Variants in NCOA1 observed in about 807,000 individuals in gnomAD.
The protein encoded by NCOA1 is Hin-2 protein.
Under a neutral mutation model 150.9 loss-of-function variants are expected in NCOA1, and 35 were observed. The observed-to-expected ratio is 0.23, with a 90% CI of 0.18 to 0.31. NCOA1 has a LOEUF of 0.31. Among genes scored for constraint, NCOA1 ranks in the 10% least tolerant of loss-of-function variants. The pLI is 1.00. For synonymous variants in NCOA1, 590 were observed against 630.0 expected (o/e 0.94, Z 0.95); for missense variants, 1,491 against 1,749.3 (o/e 0.85, Z 2.63).
intron 5 of NCOA1, among the ~76,000 whole-genome samples, chr2:24,664,560 T>C (rs989369808): frequency 6.6e-6 from 1 of 151,938 alleles, no homozygotes; most frequent in Admixed American, 6.6e-5. Flanking sequence ...ATACAAAAAT[T>C]AGCCAGGCAT....
chr2:24,697,842 A>G (rs1306062351), intron 11 of NCOA1, 44 bp downstream of exon 11: 3 of 1,557,918 alleles, frequency 1.9e-6, no homozygotes, highest in Admixed American at 3.5e-5. Flanking sequence ...CCTTATCTTT[A>G]CTGATATTTG....
chr2:24,647,499 G>A (rs1670526879), intron 4 of NCOA1, among the ~76,000 whole-genome samples: 1 of 152,104 alleles, frequency 6.6e-6, no homozygotes, highest in South Asian at 2.1e-4. Flanking sequence ...ACAGTGATAG[G>A]CACATGGTAA....
At chr2:24,586,255 G>A (rs1242103233) in intron 3 of NCOA1, among the ~76,000 whole-genome samples, 2 of 132,206 alleles carry the variant, frequency 1.5e-5, no homozygotes, top group Non-Finnish European at 3.1e-5. Flanking sequence ...CAGCCTGGGC[G>A]ACAGAGCAAG....
chr2:24,742,628 T>TG (rs201193499), intron 19 of NCOA1, among the ~76,000 whole-genome samples: 18 of 149,866 alleles, frequency 1.2e-4, no homozygotes, highest in East Asian at 5.8e-4. Context: ...AGCTAATTTT[T>TG]GTTTTTTTTT....
At chr2:24,756,788 A>G (rs1349266725) in intron 20 of NCOA1, among the ~76,000 whole-genome samples, 2 of 152,188 alleles carry the variant, frequency 1.3e-5, no homozygotes, top group Non-Finnish European at 2.9e-5. Flanking sequence ...CAAAGTGTCA[A>G]GTTGAATTCC....
At chr2:24,634,091 C>A (rs1400943451) in intron 3 of NCOA1, among the ~76,000 whole-genome samples, 4 of 152,008 alleles carry the variant, frequency 2.6e-5, no homozygotes, top group African/African-American at 9.7e-5. Context: ...ACATTTTAAA[C>A]ATATATTTCA....
chr2:24,640,000 T>C (rs1203016988), intron 3 of NCOA1, among the ~76,000 whole-genome samples: 1 of 142,022 alleles, frequency 7.0e-6, no homozygotes, highest in Non-Finnish European at 1.5e-5. Context: ...TTCAGAGTCA[T>C]TCAACAGATT....
chr2:24,688,764 T>C (rs550321613), intron 8 of NCOA1, among the ~76,000 whole-genome samples: 2 of 152,362 alleles, frequency 1.3e-5, no homozygotes, highest in East Asian at 1.9e-4. Flanking sequence ...GTCCCATTTG[T>C]CAATTTTTGC....
chr2:24,716,473 G>A (rs990654585), intron 14 of NCOA1, among the ~76,000 whole-genome samples: 1 of 152,098 alleles, frequency 6.6e-6, no homozygotes, highest in African/African-American at 2.4e-5. Context: ...TCAATACATG[G>A]TGATATAACA....
intron 1 of NCOA1, chr2:24,554,605 G>GCTAC (rs1232848151): frequency 1.3e-5 from 2 of 152,194 alleles, no homozygotes; most frequent in Admixed American, 1.3e-4. Context: ...TAATACCAGG[G>GCTAC]GGTAGCCCCA....
chr2:24,760,153 T>C (rs1664709192), intron 21 of NCOA1, among the ~76,000 whole-genome samples: 1 of 148,946 alleles, frequency 6.7e-6, no homozygotes, highest in African/African-American at 2.5e-5. Context: ...CTTTTTTTTT[T>C]TTTTGAGATG....
intron 11 of NCOA1, among the ~76,000 whole-genome samples, chr2:24,701,040 A>G (rs368473470): frequency 1.3e-5 from 2 of 152,172 alleles, no homozygotes; most frequent in African/African-American, 2.4e-5. Context: ...TTTTTTTCAC[A>G]GAATACTTTT....
In NCOA1 at chr2:24,664,706, CAAAAAAAA is replaced by C. The variant is rs368427767; in HGVS notation, c.90-1040_90-1033del. Among the ~76,000 whole-genome samples, 4 of 144,846 alleles carry C rather than the reference CAAAAAAAA, an allele frequency of 2.8e-5. No homozygotes were observed. The East Asian group carries it at 6.0e-4, about 22-fold the overall frequency. ...CTGGCCTCACAGCAAGATTCCATCTCAAAAAAAAAAGAAAAAGAAAAGAAAAGTAAATG... is the reference window on the plus strand; with the variant it reads ...CTGGCCTCACAGCAAGATTCCATCTCAAGAAAAAGAAAAGAAAAGTAAATG... On this transcript the variant is annotated intron_variant, in intron 5 of 22. Transcript: ENST00000348332.
chr2:24,589,452 G>A, intron 3 of NCOA1, among the ~76,000 whole-genome samples: 1 of 152,174 alleles, frequency 6.6e-6, no homozygotes, highest in Admixed American at 6.5e-5. Flanking sequence ...AGAGCACACA[G>A]AAGTTTCCTA....
chr2:24,519,546 A>T (rs920611304), intron 1 of NCOA1, among the ~76,000 whole-genome samples: 1 of 151,644 alleles, frequency 6.6e-6, no homozygotes, highest in African/African-American at 2.4e-5. Flanking sequence ...ACGGTTGGGC[A>T]TGGTAGCTCA....
rs1671760355 is a variant in NCOA1 at position 24,673,236 on chromosome 2, T to G, written c.257-130T>G. ...AAAATGAGTATAATTAAGATTAGTG[T>G]GAAAGTGCCTAGATACTGACTAAAT... On this transcript the variant is annotated intron_variant, in intron 6 of 22. Transcript: ENST00000348332. 5.7e-6 allele frequency: 3 copies of G among 522,796 alleles called. No individual in the cohort carries two copies. The South Asian group carries it at 1.0e-4, about 17-fold the overall frequency. The allele number at this position is 522,796 out of a possible 1,614,324, so 32.4% of individuals were successfully genotyped here.
intron 2 of NCOA1, among the ~76,000 whole-genome samples, chr2:24,570,314 A>C (rs1666694079): frequency 6.6e-6 from 1 of 152,200 alleles, no homozygotes; most frequent in East Asian, 1.9e-4. Flanking sequence ...GTTATCAAAC[A>C]CTAATAGGGT....
chr2:24,752,471 T>C (rs1447563719), intron 20 of NCOA1, among the ~76,000 whole-genome samples: 1 of 152,164 alleles, frequency 6.6e-6, no homozygotes, highest in Admixed American at 6.5e-5. Context: ...AGAAAAATGA[T>C]TTTTAAATCT....
At chr2:24,705,644 AC>A (rs1472938273) in intron 12 of NCOA1, among the ~76,000 whole-genome samples, 1 of 152,186 alleles carries the variant, frequency 6.6e-6, no homozygotes, top group Non-Finnish European at 1.5e-5. Flanking sequence ...CACAGAAATT[AC>A]AAATCATTAA....
Sources: allele counts gnomAD v4.1 joint callset (sites outside exome capture counted in the v4.1 genomes callset), GRCh38; gene constraint gnomAD v4.1.1; transcripts MANE v1.5; gene names NCBI Gene and HGNC (gene_info 2026-07-23, HGNC 2026-07-21).